Variants in KCNMB2 observed in about 807,000 individuals in gnomAD.
KCNMB2 encodes the protein calcium-activated potassium channel subunit beta-2.
A neutral mutation model predicts 24.5 loss-of-function variants in KCNMB2; 9 were observed. The ratio of observed to expected loss-of-function variants is 0.37; its 90% CI spans 0.22 to 0.64. KCNMB2 has a LOEUF of 0.64. Ranked by LOEUF, KCNMB2 falls within the 30% of genes least tolerant of loss-of-function variation. The pLI is 0.63. For synonymous variants in KCNMB2, 109 were observed against 104.4 expected, an observed-to-expected ratio of 1.04 and a Z score of -0.27; for missense variants, 226 against 284.3, an observed-to-expected ratio of 0.79 and a Z score of 1.47.
chr3:178,739,339 A>G (rs905269065), intron 1 of KCNMB2, among the ~76,000 whole-genome samples: 1 of 152,216 alleles, frequency 6.6e-6, no homozygotes, highest in Non-Finnish European at 1.5e-5. Context: ...TACAAAAGTA[A>G]CAGGCCATTA....
chr3:178,554,340 G>A (rs1716054047), intron 1 of KCNMB2, among the ~76,000 whole-genome samples: 1 of 152,154 alleles, frequency 6.6e-6, no homozygotes, highest in South Asian at 2.1e-4. Flanking sequence ...AAGAATTCAA[G>A]CCTGAAATAT....
chr3:178,719,148 T>A (rs183726438), intron 1 of KCNMB2, among the ~76,000 whole-genome samples: 6 of 152,228 alleles, frequency 3.9e-5, no homozygotes, highest in African/African-American at 1.4e-4. Context: ...TTCTTGCATT[T>A]TCATCAGTTG....
chr3:178,688,421 C>T (rs554694209), intron 1 of KCNMB2, among the ~76,000 whole-genome samples: 5 of 152,160 alleles, frequency 3.3e-5, no homozygotes, highest in South Asian at 4.2e-4. Flanking sequence ...TAAATAACTA[C>T]CTTTTTAATT....
At chr3:178,809,329 C>T (rs1714096011) in intron 2 of KCNMB2, among the ~76,000 whole-genome samples, 1 of 152,136 alleles carries the variant, frequency 6.6e-6, no homozygotes, top group African/African-American at 2.4e-5. Context: ...TTACTCTCAG[C>T]AAATAATTTA....
chr3:178,835,148 G>A (rs1283295782), intron 4 of KCNMB2, among the ~76,000 whole-genome samples: 1 of 151,418 alleles, frequency 6.6e-6, no homozygotes, highest in Non-Finnish European at 1.5e-5. Flanking sequence ...TCAAGCAGAA[G>A]TGCCATAATA....
intron 1 of KCNMB2, among the ~76,000 whole-genome samples, chr3:178,767,686 C>T (rs769051918): frequency 1.3e-5 from 2 of 152,198 alleles, no homozygotes; most frequent in Non-Finnish European, 2.9e-5. Flanking sequence ...CTTCTTTATT[C>T]ATCTACAACC....
intron 1 of KCNMB2, among the ~76,000 whole-genome samples, chr3:178,765,319 T>C (rs1712069236): frequency 6.6e-6 from 1 of 152,216 alleles, no homozygotes; most frequent in African/African-American, 2.4e-5. Flanking sequence ...CCAACTAGTA[T>C]AGACCCGACT....
At chr3:178,702,869 T>C (rs1722151118) in intron 1 of KCNMB2, among the ~76,000 whole-genome samples, 1 of 152,196 alleles carries the variant, frequency 6.6e-6, no homozygotes, top group Admixed American at 6.5e-5. Context: ...TAACAACTTT[T>C]CCTTTACTTC....
chr3:178,750,213 T>C (rs538074212), intron 1 of KCNMB2, among the ~76,000 whole-genome samples: 127 of 131,476 alleles, frequency 9.7e-4, no homozygotes, highest in Admixed American at 2.6e-3. Flanking sequence ...GTCAATAACT[T>C]TGGCAAAAAA....
intron 1 of KCNMB2, among the ~76,000 whole-genome samples, chr3:178,794,218 G>A (rs1019938849): frequency 6.6e-6 from 1 of 152,124 alleles, no homozygotes; most frequent in Admixed American, 6.5e-5. Context: ...CTGTCCTGAT[G>A]TCTGGGTCAT....
chr3:178,800,219 G>C (rs12053939), intron 1 of KCNMB2, among the ~76,000 whole-genome samples: 24,892 of 151,896 alleles, frequency 0.16, 2,193 homozygotes, highest in Middle Eastern at 0.25. Context: ...GCAAAGAAAA[G>C]AATCAACAAA....
At position 178,842,803 on chromosome 3, in the gene KCNMB2, A is replaced by G. The variant is rs759977821; in HGVS notation, c.574A>G (p.Ser192Gly). 6.2e-7 allele frequency: 1 copy of G among 1,614,040 alleles called. No individual in the cohort carries two copies. The highest frequency in any genetic ancestry group is 1.3e-5 in the African/African-American group (1 of 75,052). Residue 192 changes from serine (S) to glycine (G), a missense_variant, in exon 5 of 5, where the codon AGT (serine) becomes GGT (glycine). Transcript: ENST00000452583. ...QKSVILTKLYSSNVLFHSLFW... is the reference protein window; with the variant it reads ...QKSVILTKLYGSNVLFHSLFW... ...GAGTGTTATCCTAACAAAACTCTAC[A>G]GTTCCAACGTGCTGTTCCATTCACT...
chr3:178,657,656 A>G (rs1720391920), intron 1 of KCNMB2, among the ~76,000 whole-genome samples: 1 of 152,228 alleles, frequency 6.6e-6, no homozygotes, highest in African/African-American at 2.4e-5. Context: ...TTCTATTGCT[A>G]TAACAGAATA....
rs1560037047 is a variant in KCNMB2, at chr3:178,825,772, G to C, written c.227+14G>C. The C allele has an allele frequency of 6.9e-6, 11 of 1,590,034 alleles. No homozygotes were observed. The highest frequency in any genetic ancestry group is 9.5e-6 in the Non-Finnish European group (11 of 1,161,024). On this transcript the variant is annotated intron_variant, in intron 3 of 4. Transcript: ENST00000452583. ...ATACATGCAGAGGTAATACCACTGG[G>C]TGGGTGGGACCCTGCTGTTTGTCTC...
intron 1 of KCNMB2, among the ~76,000 whole-genome samples, chr3:178,638,713 T>C (rs974387427): frequency 1.3e-5 from 2 of 152,176 alleles, no homozygotes; most frequent in Non-Finnish European, 2.9e-5. Context: ...GAGACAGATA[T>C]GAAAGAAATT....
chr3:178,803,109 G>A (rs967191203), intron 1 of KCNMB2, among the ~76,000 whole-genome samples: 6 of 152,088 alleles, frequency 3.9e-5, no homozygotes, highest in Admixed American at 6.5e-5. Flanking sequence ...AACCCAGAAA[G>A]GCAAATATTA....
intron 1 of KCNMB2, among the ~76,000 whole-genome samples, chr3:178,759,042 GATATATATATAT>G (rs1175571508): frequency 3.4e-3 from 1 of 298 alleles, no homozygotes; most frequent in Non-Finnish European, 4.8e-3. Flanking sequence ...CTCCAAGAGG[GATATATATATAT>G]ATATATATAT....
chr3:178,603,432 A>G (rs1718162991), intron 1 of KCNMB2, among the ~76,000 whole-genome samples: 1 of 151,914 alleles, frequency 6.6e-6, no homozygotes, highest in South Asian at 2.1e-4. Flanking sequence ...CCCTAGAACA[A>G]ATTTTTGAAA....
At chr3:178,790,466 T>A (rs1713277340) in intron 1 of KCNMB2, among the ~76,000 whole-genome samples, 1 of 152,122 alleles carries the variant, frequency 6.6e-6, no homozygotes, top group Non-Finnish European at 1.5e-5. Context: ...GCTTCTGGGA[T>A]CCCCAATTCC....
Sources: allele counts gnomAD v4.1 joint callset (sites outside exome capture counted in the v4.1 genomes callset), GRCh38; gene constraint gnomAD v4.1.1; transcripts MANE v1.5; gene names NCBI Gene and HGNC (gene_info 2026-07-23, HGNC 2026-07-21).